Variants in UBL3 observed in about 807,000 individuals in gnomAD.
UBL3 encodes the protein ubiquitin like 3, also known as ubiquitin-like protein 3.
In UBL3, 6 loss-of-function variants were observed where a neutral mutation model predicts 18.4. That is an observed-to-expected ratio of 0.33 (90% CI 0.18 to 0.64). UBL3 has a LOEUF of 0.64. UBL3 is among the 30% of genes least tolerant of loss of function. The pLI is 0.76. For synonymous variants in UBL3, 49 were observed against 46.6 expected, an observed-to-expected ratio of 1.05 and a Z score of -0.21; for missense variants, 109 against 142.9, an observed-to-expected ratio of 0.76 and a Z score of 1.21.
At chr13:29,811,801 A>G (rs1417413056) in intron 1 of UBL3, among the ~76,000 whole-genome samples, 1 of 152,102 alleles carries the variant, frequency 6.6e-6, no homozygotes, top group African/African-American at 2.4e-5. Context: ...AAATATCTTT[A>G]GTGATAAAGT....
intron 3 of UBL3, among the ~76,000 whole-genome samples, chr13:29,769,985 A>G (rs1376377043): frequency 2.0e-5 from 3 of 152,094 alleles, no homozygotes; most frequent in Non-Finnish European, 4.4e-5. Context: ...TTTCCCTGGC[A>G]GTCTATTCTT....
intron 1 of UBL3, among the ~76,000 whole-genome samples, chr13:29,799,307 G>A (rs996307891): frequency 5.9e-5 from 9 of 152,164 alleles, no homozygotes; most frequent in Admixed American, 3.9e-4. Flanking sequence ...TGAGAATCAC[G>A]GCTAAGTAAT....
chr13:29,775,932 T>TA (rs568884269), intron 2 of UBL3, among the ~76,000 whole-genome samples: 500 of 148,638 alleles, frequency 3.4e-3, no homozygotes, highest in African/African-American at 5.9e-3. Context: ...TCTTATTATA[T>TA]AAAAAAAAAA....
intron 1 of UBL3, among the ~76,000 whole-genome samples, chr13:29,845,912 T>G (rs1779455678): frequency 6.6e-6 from 1 of 152,142 alleles, no homozygotes. Context: ...ATAGATAAAG[T>G]ATAATTTTAG....
At chr13:29,782,103 T>C (rs138989777) in intron 1 of UBL3, among the ~76,000 whole-genome samples, 61 of 152,234 alleles carry the variant, frequency 4.0e-4, no homozygotes, top group African/African-American at 1.3e-3. Context: ...AATAAAGTTA[T>C]AAGATATTCA....
intron 1 of UBL3, among the ~76,000 whole-genome samples, chr13:29,788,296 T>C (rs1004223681): frequency 2.0e-5 from 3 of 152,220 alleles, no homozygotes; most frequent in African/African-American, 7.2e-5. Context: ...CCCTCTCTCC[T>C]ACTTATTCTA....
At chr13:29,791,844 T>C (rs1480247027) in intron 1 of UBL3, among the ~76,000 whole-genome samples, 1 of 152,182 alleles carries the variant, frequency 6.6e-6, no homozygotes, top group Non-Finnish European at 1.5e-5. Context: ...CATCTGTTAT[T>C]GTAGCAAGAA....
chr13:29,834,598 A>T (rs938922216), intron 1 of UBL3, among the ~76,000 whole-genome samples: 2 of 152,176 alleles, frequency 1.3e-5, no homozygotes, highest in Admixed American at 6.5e-5. Flanking sequence ...GCTTAATGAT[A>T]AAAAAATGTT....
chr13:29,849,433 C>T (rs905577030), intron 1 of UBL3, 79 bp downstream of exon 1: 43 of 1,600,264 alleles, frequency 2.7e-5, no homozygotes, highest in Non-Finnish European at 3.2e-5. Context: ...CAAATCTTCG[C>T]CCCACGCCTG....
In UBL3 at chr13:29,765,009, C is replaced by T. The variant is rs921423943; in HGVS notation, c.*2246G>A. The stretch of plus-strand genomic sequence containing the variant: ...TATTCTTTTTTTTCATATTGTACAA[C>T]TATGATATTAGGTATTAAGCGACGT... On this transcript the variant is annotated 3_prime_UTR_variant, in exon 5 of 5. Coordinates refer to ENST00000380680, the MANE Select transcript of UBL3 (RefSeq NM_007106.4). 3 of 151,916 alleles carry T rather than the reference C, an allele frequency of 2.0e-5. No individual in the cohort carries two copies. The highest frequency in any genetic ancestry group is 3.9e-4 in the East Asian group (2 of 5,190). 9.4% of individuals were successfully genotyped at this position (151,916 alleles called of 1,614,324 possible).
At chr13:29,822,772 T>G (rs1169800198) in intron 1 of UBL3, among the ~76,000 whole-genome samples, 1 of 151,972 alleles carries the variant, frequency 6.6e-6, no homozygotes, top group East Asian at 1.9e-4. Flanking sequence ...TACTATCCTG[T>G]GAAAAACTCA....
intron 1 of UBL3, among the ~76,000 whole-genome samples, chr13:29,800,172 A>G (rs1273563805): frequency 6.6e-6 from 1 of 152,236 alleles, no homozygotes; most frequent in African/African-American, 2.4e-5. Context: ...GGTCAATTCA[A>G]ATCAATAAAT....
At chr13:29,845,445 GTAAC>G (rs1879206067) in intron 1 of UBL3, among the ~76,000 whole-genome samples, 1 of 152,016 alleles carries the variant, frequency 6.6e-6, no homozygotes, top group African/African-American at 2.4e-5. Flanking sequence ...AAAAGGAGCT[GTAAC>G]TAAAGAGGAA....
chr13:29,821,190 A>G (rs1331926238), intron 1 of UBL3, among the ~76,000 whole-genome samples: 1 of 152,084 alleles, frequency 6.6e-6, no homozygotes, highest in African/African-American at 2.4e-5. Context: ...CTTACTAAGT[A>G]CCAAAAAAGC....
At chr13:29,809,709 T>C (rs1877989791) in intron 1 of UBL3, among the ~76,000 whole-genome samples, 2 of 152,080 alleles carry the variant, frequency 1.3e-5, no homozygotes, top group South Asian at 4.1e-4. Flanking sequence ...TTCCACTAAA[T>C]ATAGAGTCAT....
chr13:29,807,239 T>C (rs988075599), intron 1 of UBL3, among the ~76,000 whole-genome samples: 1 of 152,184 alleles, frequency 6.6e-6, no homozygotes, highest in African/African-American at 2.4e-5. Flanking sequence ...ACTTCTTGTA[T>C]GGGAAACGAA....
chr13:29,823,345 T>A (rs999237133), intron 1 of UBL3, among the ~76,000 whole-genome samples: 2 of 152,172 alleles, frequency 1.3e-5, no homozygotes, highest in Admixed American at 6.5e-5. Context: ...TTCTCCATGT[T>A]TGTCAGGCTG....
intron 1 of UBL3, among the ~76,000 whole-genome samples, chr13:29,846,717 C>G (rs1367654648): frequency 6.6e-6 from 1 of 152,184 alleles, no homozygotes; most frequent in Admixed American, 6.5e-5. Flanking sequence ...ATCTCCCCAA[C>G]AGGATTTTCC....
intron 1 of UBL3, among the ~76,000 whole-genome samples, chr13:29,832,419 G>A (rs570394577): frequency 1.8e-4 from 27 of 150,124 alleles, no homozygotes; most frequent in African/African-American, 5.9e-4. Context: ...TGCAAGCTCC[G>A]CCTCCCGGGT....
Sources: allele counts gnomAD v4.1 joint callset (sites outside exome capture counted in the v4.1 genomes callset), GRCh38; gene constraint gnomAD v4.1.1; transcripts MANE v1.5; gene names NCBI Gene and HGNC (gene_info 2026-07-23, HGNC 2026-07-21).